KCNMB2: variants seen among roughly 807,000 people sequenced by gnomAD.
KCNMB2 encodes calcium-activated potassium channel subunit beta-2.
A neutral mutation model predicts 24.5 loss-of-function variants in KCNMB2; 9 were observed. The ratio of observed to expected loss-of-function variants is 0.37; its 90% CI spans 0.22 to 0.64. The LOEUF (loss-of-function observed/expected upper bound fraction) is 0.64, where lower values mean the gene tolerates loss of function less well. KCNMB2 is among the 30% of genes least tolerant of loss of function. KCNMB2 has a pLI of 0.63. For synonymous variants in KCNMB2, 109 were observed against 104.4 expected (o/e 1.04, Z -0.27); for missense variants, 226 against 284.3 (o/e 0.79, Z 1.47).
intron 1 of KCNMB2, among the ~76,000 whole-genome samples, chr3:178,667,799 G>A (rs1298608609): frequency 4.6e-5 from 7 of 151,970 alleles, no homozygotes; most frequent in Admixed American, 2.6e-4. Context: ...CCAGGACTCT[G>A]CCCCCTAAAG....
chr3:178,652,012 CAA>C (rs1560149214), intron 1 of KCNMB2, among the ~76,000 whole-genome samples: 1 of 152,110 alleles, frequency 6.6e-6, no homozygotes, highest in Non-Finnish European at 1.5e-5. Flanking sequence ...TAGGCATGGG[CAA>C]AGACTTCATG....
intron 1 of KCNMB2, among the ~76,000 whole-genome samples, chr3:178,743,494 T>C (rs1723560271): frequency 6.6e-6 from 1 of 152,220 alleles, no homozygotes; most frequent in South Asian, 2.1e-4. Context: ...TCCCACGTGC[T>C]ACTACAAGTG....
Position 178,842,673 on chromosome 3 carries a change from T to C in KCNMB2, c.444T>C (p.Cys148=), listed in dbSNP as rs1327655886. 2.5e-6 allele frequency: 4 copies of C among 1,611,430 alleles called. No homozygotes were observed. Among genetic ancestry groups the C allele is most frequent in the Non-Finnish European group, 3.4e-6 (4 of 1,177,770 alleles). ...INQKCSYIPK[C]GKNFEESMSL... Reference sequence around the variant, plus strand: ...CACAGTGCTCCTATATACCTAAATGTGGAAAAAATTTTGAAGAATCCATGT... The same window carrying C: ...CACAGTGCTCCTATATACCTAAATGCGGAAAAAATTTTGAAGAATCCATGT... Residue 148 remains cysteine (C), a synonymous_variant, in exon 5 of 5, where the codon TGT becomes TGC. Transcript: ENST00000452583.
At chr3:178,729,596 T>C (rs1403326488) in intron 1 of KCNMB2, among the ~76,000 whole-genome samples, 1 of 152,166 alleles carries the variant, frequency 6.6e-6, no homozygotes, top group African/African-American at 2.4e-5. Context: ...GTCAGCCAGG[T>C]CAAAGATTCC....
chr3:178,809,585 A>C (rs1714106146), intron 2 of KCNMB2, among the ~76,000 whole-genome samples: 1 of 152,212 alleles, frequency 6.6e-6, no homozygotes, highest in South Asian at 2.1e-4. Context: ...GTACCTGCCC[A>C]GGCTCTTGTC....
intron 1 of KCNMB2, among the ~76,000 whole-genome samples, chr3:178,567,229 G>T (rs114949499): frequency 6.6e-6 from 1 of 152,056 alleles, no homozygotes; most frequent in African/African-American, 2.4e-5. Context: ...GTGTGAGAGC[G>T]TGTGAGAGTG....
intron 1 of KCNMB2, among the ~76,000 whole-genome samples, chr3:178,767,203 T>G (rs1044382973): frequency 4.6e-5 from 7 of 152,212 alleles, no homozygotes; most frequent in African/African-American, 1.7e-4. Flanking sequence ...TGTATTATAT[T>G]TATTCAAAGG....
chr3:178,835,163 T>A lies in KCNMB2; in HGVS notation c.423+6790T>A, dbSNP rs116072875. Among the ~76,000 whole-genome samples, 1,440 of 151,726 alleles carry A rather than the reference T, an allele frequency of 9.5e-3. 23 individuals carry two copies. The highest frequency in any genetic ancestry group is 0.033 in the African/African-American group (1,377 of 41,354). On this transcript the variant is annotated intron_variant, in intron 4 of 4. Coordinates refer to ENST00000452583, the MANE Select transcript of KCNMB2 (RefSeq NM_181361.3). Reference sequence around the variant, plus strand: ...TCAAGCAGAAGTGCCATAATAGATATGAGATCTGTGGGCAAATACAGGAAA... The same window carrying A: ...TCAAGCAGAAGTGCCATAATAGATAAGAGATCTGTGGGCAAATACAGGAAA...
intron 1 of KCNMB2, among the ~76,000 whole-genome samples, chr3:178,756,181 A>C (rs1033073974): frequency 6.6e-6 from 1 of 152,078 alleles, no homozygotes; most frequent in Non-Finnish European, 1.5e-5. Context: ...AAATATACAT[A>C]TTAAAGGGTA....
At chr3:178,706,090 A>G (rs2108345561) in intron 1 of KCNMB2, among the ~76,000 whole-genome samples, 1 of 152,196 alleles carries the variant, frequency 6.6e-6, no homozygotes, top group Middle Eastern at 3.4e-3. Context: ...AAGGCTGAAC[A>G]TGAATAACCA....
chr3:178,751,586 A>T (rs899285346), intron 1 of KCNMB2, among the ~76,000 whole-genome samples: 4 of 149,548 alleles, frequency 2.7e-5, no homozygotes, highest in African/African-American at 9.8e-5. Context: ...AAAAAAAAAA[A>T]AAAAAAAAAA....
intron 1 of KCNMB2, among the ~76,000 whole-genome samples, chr3:178,553,970 A>G (rs1347486270): frequency 6.6e-6 from 1 of 152,236 alleles, no homozygotes; most frequent in African/African-American, 2.4e-5. Flanking sequence ...TACCACAGCC[A>G]GATTGTTTTA....
chr3:178,704,970 C>T (rs1218484817), intron 1 of KCNMB2, among the ~76,000 whole-genome samples: 1 of 152,064 alleles, frequency 6.6e-6, no homozygotes, highest in African/African-American at 2.4e-5. Context: ...TATATACCAC[C>T]ATCACCACTA....
intron 4 of KCNMB2, among the ~76,000 whole-genome samples, chr3:178,836,828 T>C (rs1715248004): frequency 6.6e-6 from 1 of 152,202 alleles, no homozygotes; most frequent in African/African-American, 2.4e-5. Context: ...CTAAAAATGA[T>C]GGATGTTTAT....
chr3:178,814,119 A>G (rs1714309718), intron 2 of KCNMB2, among the ~76,000 whole-genome samples: 1 of 152,124 alleles, frequency 6.6e-6, no homozygotes, highest in African/African-American at 2.4e-5. Context: ...ACTAGTACCC[A>G]ATAGGTAGTT....
At chr3:178,817,881 A>G (rs1404005970) in intron 2 of KCNMB2, among the ~76,000 whole-genome samples, 1 of 152,206 alleles carries the variant, frequency 6.6e-6, no homozygotes, top group African/African-American at 2.4e-5. Flanking sequence ...ATATTTTGTG[A>G]GCCTAATAAA....
At chr3:178,576,867 C>T (rs958879626) in intron 1 of KCNMB2, among the ~76,000 whole-genome samples, 1 of 152,214 alleles carries the variant, frequency 6.6e-6, no homozygotes. Flanking sequence ...CTAAAACTCC[C>T]GTTTCCCTGG....
intron 1 of KCNMB2, among the ~76,000 whole-genome samples, chr3:178,568,790 G>GA (rs1346222686): frequency 1.2e-5 from 1 of 83,678 alleles, no homozygotes; most frequent in Non-Finnish European, 2.3e-5. Flanking sequence ...TAGATAGATA[G>GA]ATAGATAGAT....
chr3:178,782,930 A>G (rs1577184294), intron 1 of KCNMB2, among the ~76,000 whole-genome samples: 1 of 151,334 alleles, frequency 6.6e-6, no homozygotes, highest in South Asian at 2.1e-4. Context: ...TTTAGGTCTA[A>G]CATTTAAGTC....
Sources: allele counts gnomAD v4.1 joint callset (sites outside exome capture counted in the v4.1 genomes callset), GRCh38; gene constraint gnomAD v4.1.1; transcripts MANE v1.5; gene names NCBI Gene and HGNC (gene_info 2026-07-23, HGNC 2026-07-21).